Variants in KCNH7 observed in about 807,000 individuals in gnomAD.
The protein encoded by KCNH7 is voltage-gated inwardly rectifying potassium channel KCNH7.
A neutral mutation model predicts 120.8 loss-of-function variants in KCNH7; 49 were observed. The observed-to-expected ratio is 0.41, with a 90% CI of 0.32 to 0.51. KCNH7 has a LOEUF of 0.51. Ranked by LOEUF, KCNH7 falls within the 20% of genes least tolerant of loss-of-function variation. KCNH7 has a pLI of 0.38. For missense variants in KCNH7, 1,097 were observed against 1,446.6 expected (o/e 0.76, Z 3.92); for synonymous variants, 547 against 516.1 (o/e 1.06, Z -0.81).
intron 2 of KCNH7, among the ~76,000 whole-genome samples, chr2:162,608,457 T>C (rs1239782556): frequency 6.6e-6 from 1 of 152,244 alleles, no homozygotes; most frequent in African/African-American, 2.4e-5. Flanking sequence ...TCTGATTTTC[T>C]AAGTTAGTAT....
intron 2 of KCNH7, among the ~76,000 whole-genome samples, chr2:162,739,189 C>T (rs1316315228): frequency 6.6e-6 from 1 of 152,082 alleles, no homozygotes; most frequent in Non-Finnish European, 1.5e-5. Flanking sequence ...TTACTTTTCT[C>T]AAAACCTCCC....
intron 3 of KCNH7, among the ~76,000 whole-genome samples, chr2:162,526,070 G>A (rs1219868455): frequency 2.0e-5 from 3 of 151,928 alleles, no homozygotes; most frequent in Non-Finnish European, 4.4e-5. Context: ...GTACAAAAGA[G>A]AAATTTTAAA....
chr2:162,660,778 T>A (rs984806012), intron 2 of KCNH7, among the ~76,000 whole-genome samples: 1 of 152,210 alleles, frequency 6.6e-6, no homozygotes, highest in African/African-American at 2.4e-5. Context: ...AATATTACAA[T>A]GTGTTAAATC....
At chr2:162,794,203 T>C (rs1278449126) in intron 2 of KCNH7, among the ~76,000 whole-genome samples, 1 of 126,842 alleles carries the variant, frequency 7.9e-6, no homozygotes, top group African/African-American at 3.0e-5. Context: ...AGTCAAAACA[T>C]GAAAGGAAAA....
rs1458766929 is a variant in KCNH7 at position 162,399,609 on chromosome 2, A to G, written c.2407+580T>C. On this transcript the variant is annotated intron_variant, in intron 10 of 15. Transcript: ENST00000332142. ...AGATTAAACATGTGTTTTCTTTTGC[A>G]CCCAAACCAGTTGAAGTTATGACTA... is the stretch of plus-strand genomic sequence containing the variant. Among the ~76,000 whole-genome samples the G allele has an allele frequency of 3.9e-5, 6 of 151,948 alleles. No individual in the cohort carries two copies. The East Asian group carries it at 1.2e-3, about 30-fold the overall frequency.
intron 2 of KCNH7, among the ~76,000 whole-genome samples, chr2:162,551,827 C>T (rs1354189314): frequency 6.6e-6 from 1 of 151,850 alleles, no homozygotes; most frequent in African/African-American, 2.4e-5. Context: ...CCATAATAAG[C>T]ATTTAAGAGA....
rs562837402 is a variant in KCNH7 at position 162,765,398 on chromosome 2, C to G, written c.307+71139G>C. Reference sequence around the variant, plus strand: ...TGATTGACAAGGATGAGTGTTCACACTTTGAATCTCGCTCTCTGCAACAAC... The same window carrying G: ...TGATTGACAAGGATGAGTGTTCACAGTTTGAATCTCGCTCTCTGCAACAAC... On this transcript the variant is annotated intron_variant, in intron 2 of 15. Transcript: ENST00000332142. 8.6e-4 allele frequency among the ~76,000 whole-genome samples: 131 copies of G among 152,266 alleles called. 1 individual carries two copies. Among genetic ancestry groups the G allele is most frequent in the Admixed American group, 2.4e-3 (36 of 15,292 alleles).
intron 2 of KCNH7, among the ~76,000 whole-genome samples, chr2:162,759,459 G>A (rs2105448227): frequency 6.6e-6 from 1 of 152,190 alleles, no homozygotes; most frequent in South Asian, 2.1e-4. Flanking sequence ...ATTTTCAGTG[G>A]TGATCACAAT....
intron 2 of KCNH7, among the ~76,000 whole-genome samples, chr2:162,585,673 A>AT (rs1348757717): frequency 6.6e-6 from 1 of 152,016 alleles, no homozygotes; most frequent in Admixed American, 6.6e-5. Flanking sequence ...TAAAGCATTA[A>AT]TTTTTAAAAA....
intron 2 of KCNH7, among the ~76,000 whole-genome samples, chr2:162,746,138 CTTTCT>C (rs1688308967): frequency 6.6e-6 from 1 of 151,912 alleles, no homozygotes; most frequent in Admixed American, 6.6e-5. Flanking sequence ...TTTAACCTCC[CTTTCT>C]TTTGATATAT....
At chr2:162,531,331 G>T (rs1691917977) in intron 3 of KCNH7, among the ~76,000 whole-genome samples, 1 of 151,836 alleles carries the variant, frequency 6.6e-6, no homozygotes, top group South Asian at 2.1e-4. Context: ...TTTTTTAAAA[G>T]TCCCCTTCTC....
At chr2:162,566,120 A>T (rs1406161816) in intron 2 of KCNH7, among the ~76,000 whole-genome samples, 1 of 151,900 alleles carries the variant, frequency 6.6e-6, no homozygotes, top group Non-Finnish European at 1.5e-5. Flanking sequence ...TATTCACCTA[A>T]GAGGCCGCTG....
intron 2 of KCNH7, among the ~76,000 whole-genome samples, chr2:162,555,135 G>C (rs923278633): frequency 1.3e-5 from 2 of 152,198 alleles, no homozygotes; most frequent in African/African-American, 4.8e-5. Context: ...GAAAGGTGGT[G>C]GCTAGCACAC....
intron 2 of KCNH7, among the ~76,000 whole-genome samples, chr2:162,781,161 A>T (rs1351629251): frequency 6.6e-6 from 1 of 152,112 alleles, no homozygotes; most frequent in African/African-American, 2.4e-5. Flanking sequence ...CTTATAAATA[A>T]TGATATTGAT....
chr2:162,479,108 C>T (rs1180626189), intron 6 of KCNH7, among the ~76,000 whole-genome samples: 1 of 149,452 alleles, frequency 6.7e-6, no homozygotes, highest in African/African-American at 2.5e-5. Flanking sequence ...TTGAAAAATT[C>T]TACCTCTGAC....
chr2:162,490,259 G>A (rs569536655), intron 6 of KCNH7, among the ~76,000 whole-genome samples: 3 of 152,340 alleles, frequency 2.0e-5, no homozygotes, highest in South Asian at 4.1e-4. Flanking sequence ...TGGAGCCACC[G>A]GGAATTAGTG....
intron 2 of KCNH7, among the ~76,000 whole-genome samples, chr2:162,652,939 T>C (rs1350365636): frequency 6.6e-6 from 1 of 152,218 alleles, no homozygotes; most frequent in Non-Finnish European, 1.5e-5. Context: ...TTTCATTTTT[T>C]GAATTAACGT....
intron 6 of KCNH7, among the ~76,000 whole-genome samples, chr2:162,460,603 TAAC>T (rs887965748): frequency 6.6e-6 from 1 of 152,142 alleles, no homozygotes; most frequent in Admixed American, 6.5e-5. Flanking sequence ...CCAAGATTTC[TAAC>T]AACATCAGAA....
At chr2:162,695,109 G>A (rs1380037999) in intron 2 of KCNH7, among the ~76,000 whole-genome samples, 1 of 152,084 alleles carries the variant, frequency 6.6e-6, no homozygotes, top group Non-Finnish European at 1.5e-5. Flanking sequence ...TCAATTAGTG[G>A]AGAAGATTTT....
Sources: gnomAD v4.1 joint callset for allele counts (sites outside exome capture counted in the v4.1 genomes callset) on GRCh38, gnomAD v4.1.1 for gene constraint, MANE v1.5 for transcripts, NCBI Gene and HGNC (gene_info 2026-07-23, HGNC 2026-07-21) for gene names.